VPS13B: variants seen among roughly 807,000 people sequenced by gnomAD.
VPS13B encodes intermembrane lipid transfer protein VPS13B.
A neutral mutation model predicts 426.4 loss-of-function variants in VPS13B; 285 were observed. The observed-to-expected ratio is 0.67, with a 90% CI of 0.61 to 0.74. The LOEUF (loss-of-function observed/expected upper bound fraction) is 0.74, where lower values mean the gene tolerates loss of function less well. VPS13B is among the 30% of genes least tolerant of loss of function. The pLI is 0.00. For synonymous variants in VPS13B, 1,676 were observed against 1,676.4 expected, an observed-to-expected ratio of 1.00 and a Z score of 0.01; for missense variants, 4,537 against 4,782.6, an observed-to-expected ratio of 0.95 and a Z score of 1.51.
intron 23 of VPS13B, among the ~76,000 whole-genome samples, chr8:99,443,644 C>T (rs1169038631): frequency 6.6e-6 from 1 of 152,086 alleles, no homozygotes; most frequent in East Asian, 1.9e-4. Context: ...CATGTTGTAG[C>T]AGTCTTTGTT....
chr8:99,299,815 CAGG>C (rs1389648951), intron 19 of VPS13B, among the ~76,000 whole-genome samples: 2 of 151,986 alleles, frequency 1.3e-5, no homozygotes, highest in Non-Finnish European at 2.9e-5. Flanking sequence ...GAGGCTGAGG[CAGG>C]AGAATTGTTT....
chr8:99,122,220 C>T (rs551803481), intron 8 of VPS13B, among the ~76,000 whole-genome samples: 4 of 151,520 alleles, frequency 2.6e-5, no homozygotes, highest in East Asian at 3.9e-4. Flanking sequence ...TCATCTCTTT[C>T]GCTTTTCAAG....
At chr8:99,262,408 G>A (rs1226334063) in intron 17 of VPS13B, among the ~76,000 whole-genome samples, 2 of 152,032 alleles carry the variant, frequency 1.3e-5, no homozygotes, top group Non-Finnish European at 2.9e-5. Flanking sequence ...CTTTTCAGAG[G>A]GAGATTTTTA....
intron 25 of VPS13B, among the ~76,000 whole-genome samples, chr8:99,494,874 T>A (rs1161958885): frequency 1.3e-5 from 2 of 152,116 alleles, no homozygotes; most frequent in Non-Finnish European, 1.5e-5. Context: ...AAAGACATAT[T>A]GACAAACTGG....
chr8:99,367,551 G>A (rs1250969730), intron 19 of VPS13B, among the ~76,000 whole-genome samples: 3 of 152,172 alleles, frequency 2.0e-5, no homozygotes, highest in Non-Finnish European at 2.9e-5. Context: ...GGTTTGGGAA[G>A]TCCTCCGTTA....
chr8:99,562,290 C>T (rs1480880279), intron 31 of VPS13B, among the ~76,000 whole-genome samples: 2 of 150,718 alleles, frequency 1.3e-5, no homozygotes, highest in Non-Finnish European at 3.0e-5. Flanking sequence ...CCCCACCCCA[C>T]GCTTTTTTGA....
chr8:99,360,146 CTTTCTT>C (rs1459026526), intron 19 of VPS13B, among the ~76,000 whole-genome samples: 4 of 31,856 alleles, frequency 1.3e-4, no homozygotes. Context: ...TTCTTTCTTT[CTTTCTT>C]TCTTTCTTTC....
At chr8:99,432,840 A>G (rs1046520322) in intron 22 of VPS13B, among the ~76,000 whole-genome samples, 94 of 152,294 alleles carry the variant, frequency 6.2e-4, no homozygotes, top group Admixed American at 6.1e-3. Flanking sequence ...ATAGAGTGAT[A>G]AAGTATATAA....
intron 19 of VPS13B, among the ~76,000 whole-genome samples, chr8:99,333,616 A>T (rs1182945021): frequency 1.3e-5 from 2 of 151,844 alleles, no homozygotes; most frequent in African/African-American, 4.8e-5. Flanking sequence ...TCATGACTGT[A>T]AGAATCCCTT....
chr8:99,773,724 G>T (rs1253356683), intron 40 of VPS13B, among the ~76,000 whole-genome samples: 1 of 152,108 alleles, frequency 6.6e-6, no homozygotes, highest in Non-Finnish European at 1.5e-5. Context: ...TTGCTTCCAG[G>T]AACTATTTTC....
intron 28 of VPS13B, among the ~76,000 whole-genome samples, chr8:99,509,876 C>T (rs528736739): frequency 4.6e-4 from 70 of 152,016 alleles, no homozygotes; most frequent in South Asian, 8.3e-4. Context: ...TCTTTTTGTA[C>T]GTTGAGGAAT....
At chr8:99,145,128 G>A (rs758965557) in intron 13 of VPS13B, among the ~76,000 whole-genome samples, 2 of 152,166 alleles carry the variant, frequency 1.3e-5, no homozygotes, top group Non-Finnish European at 2.9e-5. Flanking sequence ...CATAGAGGTA[G>A]ACATCAATCA....
chr8:99,527,463 T>G (rs991674149), intron 30 of VPS13B, among the ~76,000 whole-genome samples: 1 of 152,128 alleles, frequency 6.6e-6, no homozygotes, highest in Non-Finnish European at 1.5e-5. Context: ...ATAATCTACC[T>G]GGTTTATAAC....
chr8:99,851,814 G>A (rs1816308689), intron 55 of VPS13B, among the ~76,000 whole-genome samples: 2 of 152,112 alleles, frequency 1.3e-5, no homozygotes. Flanking sequence ...AATTCTAAGT[G>A]AAATGAGGAA....
At chr8:99,134,788 A>G (rs145628318) in intron 9 of VPS13B, 61 bp downstream of exon 9, 6 of 1,374,070 alleles carry the variant, frequency 4.4e-6, no homozygotes, top group South Asian at 2.5e-5. Flanking sequence ...TTTTATAAAT[A>G]CCTGTTTTTA....
At chr8:99,318,001 C>T (rs1443043635) in intron 19 of VPS13B, among the ~76,000 whole-genome samples, 4 of 152,032 alleles carry the variant, frequency 2.6e-5, no homozygotes, top group South Asian at 4.2e-4. Context: ...AGGAACATTA[C>T]GGAGCCTTTA....
chr8:99,643,491 T>C (rs1380244194), intron 34 of VPS13B, among the ~76,000 whole-genome samples: 2 of 152,008 alleles, frequency 1.3e-5, no homozygotes, highest in Non-Finnish European at 2.9e-5. Flanking sequence ...CCTGAGGAAA[T>C]AGGATCAAAG....
intron 40 of VPS13B, among the ~76,000 whole-genome samples, chr8:99,773,737 G>A (rs982700984): frequency 6.6e-6 from 1 of 152,158 alleles, no homozygotes; most frequent in Non-Finnish European, 1.5e-5. Flanking sequence ...CTATTTTCCA[G>A]TTAAAAGTGA....
intron 19 of VPS13B, among the ~76,000 whole-genome samples, chr8:99,373,801 C>T (rs1249517191): frequency 1.3e-5 from 2 of 152,128 alleles, no homozygotes. Flanking sequence ...GTGATCATGC[C>T]ACTACACTCC....
Sources: allele counts gnomAD v4.1 joint callset (sites outside exome capture counted in the v4.1 genomes callset), GRCh38; gene constraint gnomAD v4.1.1; transcripts MANE v1.5; gene names NCBI Gene and HGNC (gene_info 2026-07-23, HGNC 2026-07-21).